GSTZ1: variants seen among roughly 807,000 people sequenced by gnomAD.
GSTZ1 encodes the protein glutathione S-transferase zeta 1, also known as maleylacetoacetate isomerase.
GSTZ1 carries 34 observed loss-of-function variants against 35.9 expected under a neutral mutation model. That is an observed-to-expected ratio of 0.95 (90% CI 0.72 to 1.26). The LOEUF (loss-of-function observed/expected upper bound fraction) is 1.26. Ranked by LOEUF, GSTZ1 falls within the 50% of genes most tolerant of loss-of-function variation. The probability of loss-of-function intolerance (pLI) is 0.00; values close to 1 mark genes in which losing one functional copy is unlikely to be tolerated. For synonymous variants in GSTZ1, 93 were observed against 101.2 expected (o/e 0.92, Z 0.49); for missense variants, 263 against 271.7 (o/e 0.97, Z 0.23).
chr14:77,321,493 C>A, intron 1 of GSTZ1: 1 of 1,426,170 alleles, frequency 7.0e-7, no homozygotes. Flanking sequence ...TCCACTAAGG[C>A]TTCCAAACGT....
chr14:77,329,146 G>A lies in GSTZ1; in HGVS notation c.366G>A (p.Val122=), dbSNP rs769304560. Residue 122 remains valine (V), a synonymous_variant, in exon 6 of 9, where the codon GTG becomes GTA. Transcript: ENST00000216465. ...PLQNLSVLKQ[V]GEEMQLTWAQ... ...AGAACCTGTCTGTCCTGAAGCAAGT[G>A]GGAGAGGAGATGCAGCTGACCTGGG... 1.4e-5 allele frequency: 22 copies of A among 1,612,966 alleles called. No homozygotes were observed. Among genetic ancestry groups the A allele is most frequent in the Middle Eastern group, 3.3e-4 (2 of 6,084 alleles).
chr14:77,329,232 A>G (rs758723768), intron 6 of GSTZ1, 31 bp downstream of exon 6: 23 of 1,417,588 alleles, frequency 1.6e-5, no homozygotes, highest in Admixed American at 6.7e-5. Context: ...GCTGCCCCAC[A>G]GTGGCCTCTT....
intron 1 of GSTZ1, 164 bp downstream of exon 1, chr14:77,321,347 G>A (rs945547115): frequency 6.5e-7 from 1 of 1,533,154 alleles, no homozygotes; most frequent in Non-Finnish European, 8.7e-7. Context: ...CGCGCTGCCC[G>A]CTGGGGCTCG....
At chr14:77,328,196 G>T (rs185476723) in intron 5 of GSTZ1, 159 bp downstream of exon 5, 3 of 724,680 alleles carry the variant, frequency 4.1e-6, no homozygotes, top group Non-Finnish European at 2.2e-6. Context: ...GGTGAAGATC[G>T]CAATCTCAGA....
At position 77,327,896 on chromosome 14, in the gene GSTZ1, G is replaced by T. The variant is rs368879943; in HGVS notation, c.217-16G>T. 4.9e-5 allele frequency: 79 copies of T among 1,613,450 alleles called. No individual in the cohort carries two copies. The highest frequency in any genetic ancestry group is 6.7e-5 in the Non-Finnish European group (79 of 1,179,800). On this transcript the variant is annotated splice_polypyrimidine_tract_variant and intron_variant, in intron 4 of 8. Coordinates refer to ENST00000216465, the MANE Select transcript of GSTZ1 (RefSeq NM_145870.3). Reference sequence around the variant, plus strand: ...TCCTGGGCCCTCTCCCTGCCTCACTGCTCCCCTCTGGACAGCTGGCCATCA... The same window carrying T: ...TCCTGGGCCCTCTCCCTGCCTCACTTCTCCCCTCTGGACAGCTGGCCATCA...
At chr14:77,323,884 C>A (rs1892159552) in intron 1 of GSTZ1, 1 of 152,308 alleles carries the variant, frequency 6.6e-6, no homozygotes, top group Non-Finnish European at 1.5e-5. Context: ...AATTCCTTGT[C>A]TTGCTGCATT....
chr14:77,321,148 G>A lies in GSTZ1; in HGVS notation c.-21G>A. 1.4e-6 allele frequency: 2 copies of A among 1,454,146 alleles called. No individual in the cohort carries two copies. Among genetic ancestry groups the A allele is most frequent in the Non-Finnish European group, 1.8e-6 (2 of 1,097,120 alleles). The allele number at this position is 1,454,146 out of a possible 1,614,324, so 90.1% of individuals were successfully genotyped here. A position where few individuals can be genotyped will look rare whatever the true frequency, so the allele number is the denominator to read the frequency against. ...GCGCGAAGTTTCTCGGCCTGGAGGA[G>A]GGGGTCGCGCGAAGTGCCAGATGCA... On this transcript the variant is annotated 5_prime_UTR_variant, in exon 1 of 9. Coordinates refer to ENST00000216465, the MANE Select transcript of GSTZ1 (RefSeq NM_145870.3).
chr14:77,328,152 C>T, intron 5 of GSTZ1, 115 bp downstream of exon 5: 1 of 1,039,896 alleles, frequency 9.6e-7, no homozygotes, highest in South Asian at 1.5e-5. Flanking sequence ...GGGGGATTCT[C>T]AGGGCCTCTG....
Position 77,326,857 on chromosome 14 carries a change from C to T in GSTZ1, c.87C>T (p.Ile29=), listed in dbSNP as rs768916348. 6 of 1,606,804 alleles carry T rather than the reference C, an allele frequency of 3.7e-6. No individual in the cohort carries two copies. In the East Asian group the frequency reaches 6.7e-5, roughly 18 times the overall value. The change falls in exon 3 of 9, where the codon ATC becomes ATT. Residue 29 remains isoleucine (I), a synonymous_variant. Transcript: ENST00000216465. ...RVRIALALKG[I]DYETVPINLI... ...TCCTAGCTCTGGCCTTGAAAGGCAT[C>T]GACTACGAGACGGTGCCCATCAATC...
chr14:77,321,656 G>A (rs1485901403), intron 1 of GSTZ1: 2 of 482,834 alleles, frequency 4.1e-6, no homozygotes, highest in Non-Finnish European at 6.3e-6. Context: ...GGCCGAGGCG[G>A]GCGGATCACA....
Position 77,331,314 on chromosome 14 carries a change from C to T in GSTZ1, c.*119C>T, listed in dbSNP as rs1001968994. The T allele has an allele frequency of 1.2e-5, 14 of 1,166,724 alleles. No homozygotes were observed. Among genetic ancestry groups the T allele is most frequent in the African/African-American group, 1.5e-5 (1 of 64,972 alleles). 72.3% of individuals were successfully genotyped at this position (1,166,724 alleles called of 1,614,324 possible). On this transcript the variant is annotated 3_prime_UTR_variant, in exon 9 of 9. Transcript: ENST00000216465. ...GGAGACTCGAACTCTAGCCCTGGATCTGCCTTCCTGCTGAAACTTGTTCCA... is the reference window on the plus strand; with the variant it reads ...GGAGACTCGAACTCTAGCCCTGGATTTGCCTTCCTGCTGAAACTTGTTCCA...
In GSTZ1 at chr14:77,331,510, C is replaced by A; in HGVS notation, c.*315C>A. 3.6e-6 allele frequency: 1 copy of A among 279,102 alleles called. No individual in the cohort carries two copies. Among genetic ancestry groups the A allele is most frequent in the Non-Finnish European group, 6.8e-6 (1 of 146,690 alleles). 17.3% of individuals were successfully genotyped at this position (279,102 alleles called of 1,614,324 possible). The stretch of plus-strand genomic sequence containing the variant: ...GTAACACCACGGGGAAGGCTGTGTG[C>A]CTTTTCTCATCCGCTTTTGTTGTGT... On this transcript the variant is annotated 3_prime_UTR_variant, in exon 9 of 9. Transcript: ENST00000216465.
At chr14:77,326,642 G>A (rs981405850) in intron 2 of GSTZ1, 196 bp from the exon 3 acceptor site, 7 of 554,276 alleles carry the variant, frequency 1.3e-5, no homozygotes, top group Non-Finnish European at 2.3e-5. Context: ...GCAGAGCATC[G>A]TGCATCTGGG....
Position 77,330,341 on chromosome 14 carries a change from A to G in GSTZ1, c.506A>G (p.Gln169Arg). 6.2e-7 allele frequency: 1 copy of G among 1,613,752 alleles called. No homozygotes were observed. Among genetic ancestry groups the G allele is most frequent in the Non-Finnish European group, 8.5e-7 (1 of 1,179,640 alleles). Reference protein sequence around the residue: ...VTMADLCLVPQVANAERFKVD... With the variant: ...VTMADLCLVPRVANAERFKVD... ...ATGGCTGATCTGTGCTTGGTGCCTC[A>G]GGTGGCAAATGCTGAAAGGTAAGAG... Residue 169 changes from glutamine to arginine, a missense_variant, in exon 8 of 9, where the codon CAG (glutamine) becomes CGG (arginine). Gln to Arg is a conservative substitution (Grantham distance 43). Transcript: ENST00000216465.
intron 1 of GSTZ1, among the ~76,000 whole-genome samples, chr14:77,322,285 G>A (rs1566670062): frequency 6.6e-6 from 1 of 152,210 alleles, no homozygotes; most frequent in Non-Finnish European, 1.5e-5. Flanking sequence ...TGATGAGATG[G>A]ATACTTGGGC....
rs997269386 is a variant in GSTZ1, at chr14:77,321,100, C to T, written c.-69C>T. On this transcript the variant is annotated 5_prime_UTR_variant, in exon 1 of 9. Transcript: ENST00000216465. The stretch of plus-strand genomic sequence containing the variant: ...GCCTGATTCGTCGAGTCTCACTGAG[C>T]CTTAGTCGTCGGCAGGTCCCAGGCG... The T allele has an allele frequency of 1.1e-5, 15 of 1,411,862 alleles. No homozygotes were observed. The highest frequency in any genetic ancestry group is 1.5e-5 in the African/African-American group (1 of 68,882). 87.5% of individuals were successfully genotyped at this position (1,411,862 alleles called of 1,614,324 possible).
chr14:77,328,367 T>A (rs1892447755), intron 5 of GSTZ1: 1 of 340,426 alleles, frequency 2.9e-6, no homozygotes, highest in Admixed American at 4.4e-5. Flanking sequence ...AGCTTCCGTT[T>A]CATCTGTGCT....
chr14:77,326,768 G>T, intron 2 of GSTZ1, 70 bp from the exon 3 acceptor site: 1 of 1,173,152 alleles, frequency 8.5e-7, no homozygotes. Flanking sequence ...TGTCACCTTA[G>T]AAGGGCTCTT....
chr14:77,330,947 G>A (rs113313471), intron 8 of GSTZ1, 122 bp from the exon 9 acceptor site: 40 of 869,092 alleles, frequency 4.6e-5, no homozygotes, highest in Middle Eastern at 2.3e-4. Context: ...CTGCCCCATC[G>A]TCCTTCCCTG....
Sources: allele counts gnomAD v4.1 joint callset (sites outside exome capture counted in the v4.1 genomes callset), GRCh38; gene constraint gnomAD v4.1.1; transcripts MANE v1.5; gene names NCBI Gene and HGNC (gene_info 2026-07-23, HGNC 2026-07-21).